Variants in LIN7A observed in about 807,000 individuals in gnomAD.
The protein encoded by LIN7A is protein lin-7 homolog A.
A neutral mutation model predicts 29.8 loss-of-function variants in LIN7A; 25 were observed. The ratio of observed to expected loss-of-function variants is 0.84; its 90% CI spans 0.61 to 1.17. The LOEUF is 1.17. Ranked by LOEUF, LIN7A falls within the 50% of genes most tolerant of loss-of-function variation. The pLI is 0.00. For synonymous variants in LIN7A, 118 were observed against 107.5 expected, an observed-to-expected ratio of 1.10 and a Z score of -0.60; for missense variants, 239 against 287.0, an observed-to-expected ratio of 0.83 and a Z score of 1.21.
At chr12:80,798,928 T>C (rs1239045990) in intron 5 of LIN7A, among the ~76,000 whole-genome samples, 3 of 152,190 alleles carry the variant, frequency 2.0e-5, no homozygotes, top group African/African-American at 7.2e-5. Context: ...AGATGGGGTT[T>C]CCTCATGTGA....
In LIN7A at chr12:80,854,485, C is replaced by CAAAAAAA. The variant is rs370465323; in HGVS notation, c.202-6164_202-6163insTTTTTTT. 2.3e-3 allele frequency among the ~76,000 whole-genome samples: 85 copies of CAAAAAAA among 37,040 alleles called. 10 individuals carry two copies. The highest frequency in any genetic ancestry group is 0.038 in the Middle Eastern group (1 of 26). 24.3% of individuals were successfully genotyped at this position (37,040 alleles called of 152,430 possible). A position where few individuals can be genotyped will look rare whatever the true frequency, so the allele number is the denominator to read the frequency against. Reference sequence around the variant, plus strand: ...TGAATCTGAAATGCATGTTGCTAAGCCAAAAAAAAAAAAAAAAAAAAAAGC... The same window carrying CAAAAAAA: ...TGAATCTGAAATGCATGTTGCTAAGCAAAAAAACAAAAAAAAAAAAAAAAAAAAAAGC... On this transcript the variant is annotated intron_variant, in intron 2 of 5. Transcript: ENST00000552864.
chr12:80,915,617 C>T (rs1367873157), intron 1 of LIN7A, among the ~76,000 whole-genome samples: 1 of 152,190 alleles, frequency 6.6e-6, no homozygotes, highest in East Asian at 1.9e-4. Flanking sequence ...CACATGGAAT[C>T]AACCTAGTTG....
chr12:80,844,233 C>T (rs1241371292), intron 4 of LIN7A, among the ~76,000 whole-genome samples: 5 of 152,008 alleles, frequency 3.3e-5, no homozygotes, highest in African/African-American at 1.2e-4. Flanking sequence ...TCACAGTTAT[C>T]TAAAGGTCAA....
chr12:80,802,810 C>CT (rs1375976839), intron 5 of LIN7A, among the ~76,000 whole-genome samples: 1 of 151,850 alleles, frequency 6.6e-6, no homozygotes, highest in Admixed American at 6.6e-5. Context: ...CTGGCTTTGT[C>CT]TTTTTTTGAT....
At chr12:80,916,102 T>C (rs1025153129) in intron 1 of LIN7A, among the ~76,000 whole-genome samples, 2 of 152,206 alleles carry the variant, frequency 1.3e-5, no homozygotes, top group African/African-American at 2.4e-5. Flanking sequence ...CTTGTCATTA[T>C]CTTTTCTGCT....
chr12:80,887,023 G>A (rs570212870), intron 2 of LIN7A, among the ~76,000 whole-genome samples: 1 of 152,082 alleles, frequency 6.6e-6, no homozygotes, highest in Admixed American at 6.6e-5. Context: ...AACTTACTAT[G>A]TCCGTAACAG....
intron 4 of LIN7A, among the ~76,000 whole-genome samples, chr12:80,844,551 A>G (rs767277328): frequency 1.2e-4 from 18 of 152,224 alleles, no homozygotes; most frequent in Non-Finnish European, 2.6e-4. Flanking sequence ...AAATAACTGA[A>G]ATCGAGTTTA....
chr12:80,924,741 T>A (rs998152664), intron 1 of LIN7A, among the ~76,000 whole-genome samples: 1 of 152,200 alleles, frequency 6.6e-6, no homozygotes, highest in Non-Finnish European at 1.5e-5. Flanking sequence ...TGGTTATATT[T>A]ACCCCAGTCA....
intron 1 of LIN7A, chr12:80,936,430 C>T (rs1343046824): frequency 6.6e-6 from 1 of 152,222 alleles, no homozygotes; most frequent in Non-Finnish European, 1.5e-5. Context: ...GTACTCTCAG[C>T]AGGATGTTCT....
intron 5 of LIN7A, among the ~76,000 whole-genome samples, chr12:80,799,983 G>A (rs187466466): frequency 1.3e-5 from 2 of 151,374 alleles, no homozygotes; most frequent in Non-Finnish European, 2.9e-5. Flanking sequence ...CCTTCATCTC[G>A]AAAAAAATAA....
intron 2 of LIN7A, among the ~76,000 whole-genome samples, chr12:80,865,633 G>C (rs918424296): frequency 5.9e-5 from 9 of 152,220 alleles, no homozygotes; most frequent in African/African-American, 2.2e-4. Flanking sequence ...AGGTGACACA[G>C]ATTCTCTGCA....
At chr12:80,911,103 A>G (rs1876722917) in intron 1 of LIN7A, among the ~76,000 whole-genome samples, 1 of 152,154 alleles carries the variant, frequency 6.6e-6, no homozygotes, top group South Asian at 2.1e-4. Flanking sequence ...ACACCTGTCC[A>G]GAAGATGGAG....
At chr12:80,929,232 C>T (rs1315734713) in intron 1 of LIN7A, among the ~76,000 whole-genome samples, 1 of 152,178 alleles carries the variant, frequency 6.6e-6, no homozygotes, top group African/African-American at 2.4e-5. Flanking sequence ...TCCAGTCAGA[C>T]ACCAGTACAA....
chr12:80,922,314 G>A (rs1166173168), intron 1 of LIN7A, among the ~76,000 whole-genome samples: 1 of 152,148 alleles, frequency 6.6e-6, no homozygotes, highest in East Asian at 1.9e-4. Flanking sequence ...AACATTAAAG[G>A]GATGTCAAGA....
chr12:80,805,816 G>A (rs933895489), intron 5 of LIN7A, among the ~76,000 whole-genome samples: 1 of 151,866 alleles, frequency 6.6e-6, no homozygotes, highest in Non-Finnish European at 1.5e-5. Flanking sequence ...TCTTTCCTGT[G>A]CTGTTCTTGT....
intron 2 of LIN7A, among the ~76,000 whole-genome samples, chr12:80,888,191 C>T (rs116866398): frequency 1.2e-3 from 187 of 152,220 alleles, no homozygotes; most frequent in African/African-American, 4.1e-3. Flanking sequence ...AAATAGTGAA[C>T]ACTTCACCTG....
chr12:80,834,745 C>T (rs1288009941), intron 4 of LIN7A, among the ~76,000 whole-genome samples: 1 of 152,140 alleles, frequency 6.6e-6, no homozygotes, highest in East Asian at 1.9e-4. Flanking sequence ...CATCTGATTG[C>T]CATATGTATC....
intron 4 of LIN7A, 55 bp from the exon 5 acceptor site, chr12:80,811,738 G>A: frequency 6.4e-7 from 1 of 1,551,732 alleles, no homozygotes; most frequent in Non-Finnish European, 8.7e-7. Flanking sequence ...CTTTTCCCTG[G>A]AGACAAATCT....
At chr12:80,916,095 G>C (rs1262697480) in intron 1 of LIN7A, among the ~76,000 whole-genome samples, 1 of 152,132 alleles carries the variant, frequency 6.6e-6, no homozygotes, top group Non-Finnish European at 1.5e-5. Context: ...TTGATCACTT[G>C]TCATTATCTT....
Sources: allele counts gnomAD v4.1 joint callset (sites outside exome capture counted in the v4.1 genomes callset), GRCh38; gene constraint gnomAD v4.1.1; transcripts MANE v1.5; gene names NCBI Gene and HGNC (gene_info 2026-07-23, HGNC 2026-07-21).